Variants in SLC39A11 observed in about 807,000 individuals in gnomAD.
SLC39A11 encodes solute carrier family 39 member 11.
A neutral mutation model predicts 36.1 loss-of-function variants in SLC39A11; 33 were observed. The observed-to-expected ratio is 0.91, with a 90% CI of 0.69 to 1.22. The LOEUF (loss-of-function observed/expected upper bound fraction) is 1.22. Ranked by LOEUF, SLC39A11 falls within the 50% of genes most tolerant of loss-of-function variation. The probability of loss-of-function intolerance (pLI) is 0.00; values close to 1 mark genes in which losing one functional copy is unlikely to be tolerated. For synonymous variants in SLC39A11, 166 were observed against 170.3 expected, an observed-to-expected ratio of 0.97 and a Z score of 0.20; for missense variants, 432 against 430.3, an observed-to-expected ratio of 1.00 and a Z score of -0.03.
At chr17:72,833,375 C>T (rs570725395) in intron 6 of SLC39A11, among the ~76,000 whole-genome samples, 1 of 152,332 alleles carries the variant, frequency 6.6e-6, no homozygotes, top group South Asian at 2.1e-4. Context: ...TTATCCTTAT[C>T]ACAAAGCAGC....
At chr17:72,935,772 A>AATTTTTTGTATTTGTATTTTTTGTATTTT in intron 5 of SLC39A11, among the ~76,000 whole-genome samples, 1 of 151,954 alleles carries the variant, frequency 6.6e-6, no homozygotes, top group African/African-American at 2.4e-5. Flanking sequence ...TTTCGTAGAC[A>AATTTTTTGTATTTGTATTTTTTGTATTTT]CGGGGTTTCA....
intron 6 of SLC39A11, among the ~76,000 whole-genome samples, chr17:72,776,549 C>T (rs545619522): frequency 2.9e-4 from 41 of 143,458 alleles, no homozygotes; most frequent in South Asian, 1.1e-3. Context: ...AAATTGCTTT[C>T]GTTTCATATT....
At chr17:72,858,448 T>C (rs907046471) in intron 5 of SLC39A11, among the ~76,000 whole-genome samples, 1 of 152,234 alleles carries the variant, frequency 6.6e-6, no homozygotes, top group Non-Finnish European at 1.5e-5. Flanking sequence ...AGGATTGTTT[T>C]GGCTATTTGG....
intron 6 of SLC39A11, among the ~76,000 whole-genome samples, chr17:72,807,807 T>C (rs1331567712): frequency 6.6e-6 from 1 of 152,210 alleles, no homozygotes; most frequent in Non-Finnish European, 1.5e-5. Flanking sequence ...TCTTGAGTTC[T>C]GTGAGCCATT....
At chr17:72,960,252 T>C (rs2086520845) in intron 4 of SLC39A11, among the ~76,000 whole-genome samples, 1 of 152,210 alleles carries the variant, frequency 6.6e-6, no homozygotes, top group Non-Finnish European at 1.5e-5. Flanking sequence ...CTTTCACAAA[T>C]AAATGTCTTT....
chr17:72,800,874 AG>A (rs1169356919), intron 6 of SLC39A11, among the ~76,000 whole-genome samples: 1 of 152,220 alleles, frequency 6.6e-6, no homozygotes, highest in Non-Finnish European at 1.5e-5. Flanking sequence ...AGAATGAAAA[AG>A]GTAGAAAAGT....
intron 4 of SLC39A11, among the ~76,000 whole-genome samples, chr17:72,983,532 G>A (rs1271092014): frequency 6.6e-6 from 1 of 152,138 alleles, no homozygotes; most frequent in Non-Finnish European, 1.5e-5. Flanking sequence ...TCCAAGATGT[G>A]GTGAAATCAG....
chr17:72,926,170 G>T (rs947332340), intron 5 of SLC39A11, among the ~76,000 whole-genome samples: 2 of 152,184 alleles, frequency 1.3e-5, no homozygotes, highest in African/African-American at 4.8e-5. Context: ...TCATCTTTGT[G>T]AGCCATCTAA....
At chr17:72,990,500 C>T (rs1440898062) in intron 4 of SLC39A11, among the ~76,000 whole-genome samples, 2 of 152,128 alleles carry the variant, frequency 1.3e-5, no homozygotes, top group Non-Finnish European at 2.9e-5. Context: ...TCACTGAAAC[C>T]TTGGCTTCCC....
intron 5 of SLC39A11, among the ~76,000 whole-genome samples, chr17:72,909,158 A>G (rs8065255): frequency 0.19 from 29,234 of 152,024 alleles, 2,948 homozygotes; most frequent in South Asian, 0.27. Context: ...AGGCTGGAGT[A>G]AAGTGGGGCA....
intron 3 of SLC39A11, among the ~76,000 whole-genome samples, chr17:73,075,564 G>A (rs2060292010): frequency 6.6e-6 from 1 of 152,204 alleles, no homozygotes; most frequent in Admixed American, 6.5e-5. Flanking sequence ...TCAAATCCTG[G>A]ATATGAGGCC....
intron 5 of SLC39A11, among the ~76,000 whole-genome samples, chr17:72,925,397 T>C (rs2083985042): frequency 2.0e-5 from 3 of 152,154 alleles, no homozygotes; most frequent in Non-Finnish European, 4.4e-5. Context: ...TATAAGATGA[T>C]TATTTATGAC....
intron 6 of SLC39A11, among the ~76,000 whole-genome samples, chr17:72,777,867 ATATATG>A (rs2076186181): frequency 7.1e-6 from 1 of 141,442 alleles, no homozygotes; most frequent in African/African-American, 2.6e-5. Context: ...GTATGTATGT[ATATATG>A]TATGTATGTA....
chr17:72,923,212 G>C (rs559281680), intron 5 of SLC39A11, among the ~76,000 whole-genome samples: 24 of 151,972 alleles, frequency 1.6e-4, no homozygotes, highest in Non-Finnish European at 2.5e-4. Flanking sequence ...CACTGTGTGG[G>C]GCTATGGACC....
intron 7 of SLC39A11, among the ~76,000 whole-genome samples, chr17:72,727,730 C>T (rs140353765): frequency 6.6e-6 from 1 of 151,782 alleles, no homozygotes; most frequent in East Asian, 1.9e-4. Flanking sequence ...GGCTGAGAGT[C>T]TTCCTAATTC....
At chr17:72,904,438 T>C (rs910665399) in intron 5 of SLC39A11, among the ~76,000 whole-genome samples, 1 of 151,916 alleles carries the variant, frequency 6.6e-6, no homozygotes, top group South Asian at 2.1e-4. Context: ...AGACACTCTT[T>C]GGTGGTGACA....
intron 5 of SLC39A11, among the ~76,000 whole-genome samples, chr17:72,897,899 G>A (rs2082110995): frequency 6.6e-6 from 1 of 152,146 alleles, no homozygotes; most frequent in African/African-American, 2.4e-5. Flanking sequence ...TTACCCAAGA[G>A]AAGAGGGGTG....
At chr17:72,888,293 T>C (rs2081539825) in intron 5 of SLC39A11, among the ~76,000 whole-genome samples, 2 of 152,224 alleles carry the variant, frequency 1.3e-5, no homozygotes, top group Admixed American at 6.5e-5. Flanking sequence ...TTCTTTGGTA[T>C]CTTGCCACAG....
intron 4 of SLC39A11, among the ~76,000 whole-genome samples, chr17:72,960,829 A>G (rs915780657): frequency 2.0e-5 from 3 of 150,510 alleles, no homozygotes; most frequent in African/African-American, 4.9e-5. Context: ...ACAAACAACA[A>G]AAAAAAAACC....
Sources: gnomAD v4.1 joint callset for allele counts (sites outside exome capture counted in the v4.1 genomes callset) on GRCh38, gnomAD v4.1.1 for gene constraint, MANE v1.5 for transcripts, NCBI Gene and HGNC (gene_info 2026-07-23, HGNC 2026-07-21) for gene names.